The following SLC39A11 variants were observed in gnomAD, a reference collection of about 807,000 sequenced individuals.
SLC39A11 encodes the protein solute carrier family 39 member 11, also known as zinc transporter ZIP11.
A neutral mutation model predicts 36.1 loss-of-function variants in SLC39A11; 33 were observed. That is an observed-to-expected ratio of 0.91 (90% CI 0.69 to 1.22). SLC39A11 has a LOEUF of 1.22. SLC39A11 is among the 50% of genes most tolerant of loss of function. The pLI is 0.00. For synonymous variants in SLC39A11, 166 were observed against 170.3 expected (o/e 0.97, Z 0.20); for missense variants, 432 against 430.3 (o/e 1.00, Z -0.03).
At chr17:72,753,585 G>C (rs1009707923) in intron 6 of SLC39A11, among the ~76,000 whole-genome samples, 1 of 151,914 alleles carries the variant, frequency 6.6e-6, no homozygotes, top group African/African-American at 2.4e-5. Context: ...TCTGTCTCCT[G>C]GGCTCCCTGT....
chr17:72,751,633 A>G (rs1259283146), intron 6 of SLC39A11, among the ~76,000 whole-genome samples: 7 of 151,964 alleles, frequency 4.6e-5, no homozygotes, highest in African/African-American at 7.3e-5. Flanking sequence ...GCTGGAGTGC[A>G]ATGGCATGAT....
rs563078180 is a variant in SLC39A11, at chr17:72,775,726, G to A, written c.602-39007C>T. On this transcript the variant is annotated intron_variant, in intron 6 of 9. Coordinates refer to ENST00000255559, the MANE Select transcript of SLC39A11 (RefSeq NM_139177.4). ...GCTCAAGGCCAGCCTCTGCCATAAG[G>A]CATGTTTCCTGCTCTACCTGGAAGG... 2.2e-4 allele frequency among the ~76,000 whole-genome samples: 34 copies of A among 152,282 alleles called. No homozygotes were observed. The East Asian group carries it at 4.6e-3, about 21-fold the overall frequency.
intron 7 of SLC39A11, among the ~76,000 whole-genome samples, chr17:72,684,044 A>T (rs2144338296): frequency 6.6e-6 from 1 of 152,288 alleles, no homozygotes; most frequent in East Asian, 1.9e-4. Context: ...CAAACTTTCA[A>T]GGGTAAATAT....
chr17:72,837,816 T>C (rs933631520), intron 6 of SLC39A11: 2 of 584,394 alleles, frequency 3.4e-6, no homozygotes, highest in Admixed American at 4.5e-5. Flanking sequence ...ATGATACCGT[T>C]TAAATGAAAG....
intron 3 of SLC39A11, among the ~76,000 whole-genome samples, chr17:73,056,790 C>G (rs894165880): frequency 1.3e-5 from 2 of 152,172 alleles, no homozygotes; most frequent in Non-Finnish European, 2.9e-5. Context: ...CTGCCAATTT[C>G]ATGTACAAGA....
chr17:72,699,887 C>T (rs1332177405), intron 7 of SLC39A11, among the ~76,000 whole-genome samples: 4 of 152,252 alleles, frequency 2.6e-5, no homozygotes, highest in South Asian at 2.1e-4. Context: ...TACCTACATC[C>T]GCCCCTCTGG....
chr17:72,835,618 G>A lies in SLC39A11; in HGVS notation c.601+14016C>T, dbSNP rs542300129. Among the ~76,000 whole-genome samples the A allele has an allele frequency of 2.6e-4, 40 of 152,180 alleles. 1 individual carries two copies. In the South Asian group the frequency reaches 6.7e-3, roughly 25 times the overall value. On this transcript the variant is annotated intron_variant, in intron 6 of 9. Transcript: ENST00000255559. ...TGGGACTATAGGCATGTGCCACCAC[G>A]CCCAGCTAATTTTTGTATTTTTTGT...
At chr17:72,933,581 G>A (rs773921834) in intron 5 of SLC39A11, among the ~76,000 whole-genome samples, 1 of 152,158 alleles carries the variant, frequency 6.6e-6, no homozygotes, top group African/African-American at 2.4e-5. Context: ...GTGCAGGGGT[G>A]CAATCTCTGC....
chr17:72,920,987 T>C (rs2083636123), intron 5 of SLC39A11, among the ~76,000 whole-genome samples: 1 of 152,172 alleles, frequency 6.6e-6, no homozygotes, highest in African/African-American at 2.4e-5. Context: ...ATTCTCTGTC[T>C]CCTCCACTGG....
At chr17:72,999,458 G>C (rs1486930277) in intron 4 of SLC39A11, among the ~76,000 whole-genome samples, 2 of 152,194 alleles carry the variant, frequency 1.3e-5, no homozygotes, top group Non-Finnish European at 2.9e-5. Context: ...TCCGCTCCAG[G>C]CTGCTAATCA....
At position 72,804,679 on chromosome 17, in the gene SLC39A11, A is replaced by T. The variant is rs73354778; in HGVS notation, c.601+44955T>A. ...TGCCATGACCTAGCTGTGGCACCTC[A>T]GACCAGTCATCCAGTTTCTTGATCT... On this transcript the variant is annotated intron_variant, in intron 6 of 9. Coordinates refer to ENST00000255559, the MANE Select transcript of SLC39A11 (RefSeq NM_139177.4). Among the ~76,000 whole-genome samples the T allele has an allele frequency of 6.7e-3, 1,013 of 152,316 alleles. 12 individuals carry two copies. The highest frequency in any genetic ancestry group is 0.023 in the African/African-American group (972 of 41,564).
At chr17:72,878,991 ACACTT>A (rs1567871852) in intron 5 of SLC39A11, among the ~76,000 whole-genome samples, 1 of 152,260 alleles carries the variant, frequency 6.6e-6, no homozygotes, top group African/African-American at 2.4e-5. Context: ...ACCCAAGGAA[ACACTT>A]CACTTATGTT....
At chr17:72,867,760 G>GCACA (rs887444124) in intron 5 of SLC39A11, among the ~76,000 whole-genome samples, 35 of 80,548 alleles carry the variant, frequency 4.3e-4, no homozygotes, top group South Asian at 8.5e-4. Context: ...AAGTGCGCGC[G>GCACA]CACACACACA....
At chr17:72,770,438 G>A (rs1321610167) in intron 6 of SLC39A11, among the ~76,000 whole-genome samples, 4 of 152,192 alleles carry the variant, frequency 2.6e-5, no homozygotes, top group Non-Finnish European at 5.9e-5. Context: ...ACTCCTTTTA[G>A]AGGACACTTT....
intron 1 of SLC39A11, chr17:73,092,001 A>C (rs564587938): frequency 9.8e-5 from 15 of 152,302 alleles, no homozygotes; most frequent in African/African-American, 3.6e-4. Context: ...CTGCACACAC[A>C]TGCCCTAACT....
intron 6 of SLC39A11, among the ~76,000 whole-genome samples, chr17:72,793,875 A>C (rs1272399680): frequency 6.6e-6 from 1 of 151,240 alleles, no homozygotes; most frequent in African/African-American, 2.5e-5. Context: ...GCAGAACCTG[A>C]CTCCTGTATC....
intron 6 of SLC39A11, among the ~76,000 whole-genome samples, chr17:72,747,816 G>A (rs547381550): frequency 6.6e-6 from 1 of 152,348 alleles, no homozygotes; most frequent in South Asian, 2.1e-4. Context: ...AATGTTGGTA[G>A]AACCAGCCAG....
At chr17:73,026,981 G>A (rs1001264979) in intron 4 of SLC39A11, among the ~76,000 whole-genome samples, 2 of 152,218 alleles carry the variant, frequency 1.3e-5, no homozygotes, top group Non-Finnish European at 2.9e-5. Flanking sequence ...AATTAGCCGG[G>A]CATGGTAGCA....
At chr17:73,079,447 C>T (rs1011934680) in intron 3 of SLC39A11, among the ~76,000 whole-genome samples, 2 of 152,138 alleles carry the variant, frequency 1.3e-5, no homozygotes, top group African/African-American at 4.8e-5. Context: ...TATCTGCATA[C>T]ATTTTAGATT....
Sources: allele counts gnomAD v4.1 joint callset (sites outside exome capture counted in the v4.1 genomes callset), GRCh38; gene constraint gnomAD v4.1.1; transcripts MANE v1.5; gene names NCBI Gene and HGNC (gene_info 2026-07-23, HGNC 2026-07-21).